The following PDE1A variants were observed in gnomAD, a reference collection of about 807,000 sequenced individuals.
PDE1A encodes phosphodiesterase 1A, also known as dual specificity calcium/calmodulin-dependent 3',5'-cyclic nucleotide phosphodiesterase 1A.
A neutral mutation model predicts 61.7 loss-of-function variants in PDE1A; 35 were observed. The ratio of observed to expected loss-of-function variants is 0.57; its 90% CI spans 0.43 to 0.75. The LOEUF (loss-of-function observed/expected upper bound fraction) is 0.75, where lower values mean the gene tolerates loss of function less well. Ranked by LOEUF, PDE1A falls within the 30% of genes least tolerant of loss-of-function variation. The pLI is 0.00. For synonymous variants in PDE1A, 232 were observed against 213.2 expected, an observed-to-expected ratio of 1.09 and a Z score of -0.77; for missense variants, 597 against 630.6, an observed-to-expected ratio of 0.95 and a Z score of 0.57.
At chr2:182,168,272 T>C (rs756086084) in exon 14 of PDE1A, 40 of 1,597,062 alleles carry the variant, frequency 2.5e-5, no homozygotes, top group Non-Finnish European at 3.2e-5. Context: ...CTCACACTTC[T>C]GTGAACTGGT....
At chr2:182,525,862 A>G (rs1001026308), upstream of PDE1A, among the ~76,000 whole-genome samples, 3 of 152,252 alleles carry the variant, frequency 2.0e-5, no homozygotes, top group Non-Finnish European at 4.4e-5. Context: ...CCAAATTCAG[A>G]AAGCATACCA....
At chr2:182,646,973 T>C in the PDE1A span, among the ~76,000 whole-genome samples, 14 of 152,310 alleles carry the variant, frequency 9.2e-5, no homozygotes, top group East Asian at 1.9e-4. Context: ...ATGCTGATAA[T>C]TGGATTCCAG....
chr2:182,657,576 A>G, the PDE1A span, among the ~76,000 whole-genome samples: 2 of 152,196 alleles, frequency 1.3e-5, no homozygotes, highest in Non-Finnish European at 2.9e-5. Flanking sequence ...CATGTATCCA[A>G]CGGTCTTAAG....
intron 10 of PDE1A, among the ~76,000 whole-genome samples, chr2:182,198,675 A>G (rs891218891): frequency 6.6e-6 from 1 of 151,858 alleles, no homozygotes; most frequent in Non-Finnish European, 1.5e-5. Context: ...AAGTTATGAT[A>G]TGATATGCAC....
chr2:182,350,096 T>C (rs1356879190), intron 1 of PDE1A, among the ~76,000 whole-genome samples: 3 of 152,142 alleles, frequency 2.0e-5, no homozygotes, highest in Non-Finnish European at 4.4e-5. Flanking sequence ...TTACTGTGAC[T>C]TCTAACACCA....
chr2:182,300,285 C>G (rs1003580949), intron 1 of PDE1A, among the ~76,000 whole-genome samples: 1 of 152,170 alleles, frequency 6.6e-6, no homozygotes, highest in Non-Finnish European at 1.5e-5. Context: ...GGTAGACTAG[C>G]TTCCATGTTT....
chr2:182,543,376 C>T, the PDE1A span, among the ~76,000 whole-genome samples: 15 of 152,086 alleles, frequency 9.9e-5, no homozygotes, highest in African/African-American at 3.6e-4. Context: ...TGTTATAAGC[C>T]ACTACAACTT....
At chr2:182,461,343 T>C (rs148073244) in intron 2 of PDE1A, among the ~76,000 whole-genome samples, 144 of 152,256 alleles carry the variant, frequency 9.5e-4, no homozygotes, top group African/African-American at 3.3e-3. Context: ...CGAAAAATTT[T>C]AAAAACCTTG....
chr2:182,455,266 G>A (rs1160445131), intron 2 of PDE1A, among the ~76,000 whole-genome samples: 1 of 152,178 alleles, frequency 6.6e-6, no homozygotes, highest in East Asian at 1.9e-4. Context: ...AACAGGTGCT[G>A]GAGTGGATGT....
chr2:182,701,119 A>C, the PDE1A span, among the ~76,000 whole-genome samples: 607 of 147,062 alleles, frequency 4.1e-3, 8 homozygotes, highest in African/African-American at 0.012. Flanking sequence ...ACTGCAAGCT[A>C]TGCCTCCCAG....
chr2:182,359,558 G>A (rs541146127), intron 1 of PDE1A, among the ~76,000 whole-genome samples: 9 of 151,996 alleles, frequency 5.9e-5, no homozygotes, highest in East Asian at 1.9e-4. Context: ...CATTTCCCTC[G>A]TTTGAAACAT....
Position 182,359,703 on chromosome 2 carries a change from G to A in PDE1A, c.53+66875C>T, listed in dbSNP as rs148766161. On this transcript the variant is annotated intron_variant, in intron 1 of 13. Transcript: ENST00000351439. ...TGCCATAGAAACACTTTATGTCACT[G>A]AGACTAAAGCTCCCAGCGGTCAAGA... Among the ~76,000 whole-genome samples, 290 of 152,140 alleles carry A rather than the reference G, an allele frequency of 1.9e-3. 1 individual carries two copies. Among genetic ancestry groups the A allele is most frequent in the African/African-American group, 6.4e-3 (264 of 41,528 alleles).
intron 1 of PDE1A, among the ~76,000 whole-genome samples, chr2:182,273,332 T>A (rs1248821432): frequency 6.6e-6 from 1 of 151,982 alleles, no homozygotes; most frequent in East Asian, 1.9e-4. Flanking sequence ...AATAAAAAGA[T>A]GTCAAAATTC....
chr2:182,634,531 G>T, the PDE1A span, among the ~76,000 whole-genome samples: 1 of 152,160 alleles, frequency 6.6e-6, no homozygotes, highest in East Asian at 1.9e-4. Flanking sequence ...GCCGAAAGAG[G>T]TTTGCAACCA....
the PDE1A span, among the ~76,000 whole-genome samples, chr2:182,621,652 T>C: frequency 2.0e-5 from 3 of 152,208 alleles, no homozygotes; most frequent in African/African-American, 7.2e-5. Context: ...TGTGTTGTCA[T>C]AGTTTTTGGT....
intron 1 of PDE1A, among the ~76,000 whole-genome samples, chr2:182,418,820 C>G (rs993605239): frequency 6.6e-6 from 1 of 152,012 alleles, no homozygotes; most frequent in Non-Finnish European, 1.5e-5. Flanking sequence ...TTTCCTCTTC[C>G]TCTTAAGCCG....
chr2:182,426,412 C>A (rs911761232), intron 1 of PDE1A, among the ~76,000 whole-genome samples, 166 bp downstream of exon 1: 7 of 152,100 alleles, frequency 4.6e-5, no homozygotes, highest in African/African-American at 1.7e-4. Flanking sequence ...CACAAAGTTT[C>A]AGAAAACAGA....
chr2:182,219,218 G>C (rs779989382), intron 7 of PDE1A, among the ~76,000 whole-genome samples: 9 of 152,028 alleles, frequency 5.9e-5, no homozygotes, highest in Non-Finnish European at 1.2e-4. Context: ...TTAAAAGGAA[G>C]ATTTTATTTT....
At chr2:182,682,734 A>G in the PDE1A span, among the ~76,000 whole-genome samples, 20 of 152,162 alleles carry the variant, frequency 1.3e-4, no homozygotes, top group Non-Finnish European at 2.8e-4. Flanking sequence ...TTTTTCATGC[A>G]CTGCTTAGCA....
Sources: gnomAD v4.1 joint callset for allele counts (sites outside exome capture counted in the v4.1 genomes callset) on GRCh38, gnomAD v4.1.1 for gene constraint, MANE v1.5 for transcripts, NCBI Gene and HGNC (gene_info 2026-07-23, HGNC 2026-07-21) for gene names.